TLX2: variants seen among roughly 807,000 people sequenced by gnomAD.
TLX2 encodes T-cell leukemia homeobox protein 2.
Under a neutral mutation model 21.7 loss-of-function variants are expected in TLX2, and 15 were observed. The observed-to-expected ratio is 0.69, with a 90% CI of 0.46 to 1.07. The LOEUF (loss-of-function observed/expected upper bound fraction) is 1.07, where lower values mean the gene tolerates loss of function less well. Among genes scored for constraint, TLX2 ranks in the 50% least tolerant of loss-of-function variants. TLX2 has a pLI of 0.00. For missense variants in TLX2, 384 were observed against 409.1 expected (o/e 0.94, Z 0.53); for synonymous variants, 213 against 193.1 (o/e 1.10, Z -0.85).
chr2:74,514,516 C>T lies in TLX2; in HGVS notation c.-291C>T. The stretch of plus-strand genomic sequence containing the variant: ...GGACTTGGGCAGCGGCGCCGGCAGC[C>T]CAGCGTCTATTTGCGCTTAAGAGCC... On this transcript the variant is annotated 5_prime_UTR_variant, in exon 1 of 3. Transcript: ENST00000233638. This position sits in a 1 kb window ranked among gnomAD's most constrained non-coding sequence, Gnocchi z 5.0. 7.5e-7 allele frequency: 1 copy of T among 1,325,456 alleles called. No individual in the cohort carries two copies. The highest frequency in any genetic ancestry group is 9.7e-7 in the Non-Finnish European group (1 of 1,035,874). The allele number at this position is 1,325,456 out of a possible 1,614,324, so 82.1% of individuals were successfully genotyped here. A position where few individuals can be genotyped will look rare whatever the true frequency, so the allele number is the denominator to read the frequency against.
rs568571616 is a variant in TLX2, at chr2:74,515,827, G to A, written c.595G>A (p.Ala199Thr). The change falls in exon 2 of 3, where the codon GCA becomes ACA. Residue 199 changes from alanine (A) to threonine (T), a missense_variant. Transcript: ENST00000233638. The surrounding 1 kb of genome is among the most constrained non-coding windows in gnomAD (Gnocchi z 6.6). ...ALAKALRMTDAQVKTWFQNRR... is the reference protein window; with the variant it reads ...ALAKALRMTDTQVKTWFQNRR... The stretch of plus-strand genomic sequence containing the variant: ...GGCCAAGGCCTTGCGCATGACCGAC[G>A]CACAGGTCAAAACGTGGTTCCAGAA... 31 of 1,612,426 alleles carry A rather than the reference G, an allele frequency of 1.9e-5. No individual in the cohort carries two copies. In the South Asian group the frequency reaches 2.3e-4, roughly 12 times the overall value.
chr2:74,515,046 G>C lies in TLX2; in HGVS notation c.240G>C (p.Val80=), dbSNP rs868265732. 7.9e-6 allele frequency: 12 copies of C among 1,519,554 alleles called. 1 individual carries two copies. In the Middle Eastern group the frequency reaches 2.1e-3, roughly 268 times the overall value. The allele number at this position is 1,519,554 out of a possible 1,614,324, so 94.1% of individuals were successfully genotyped here. A position where few individuals can be genotyped will look rare whatever the true frequency, so the allele number is the denominator to read the frequency against. Residue 80 remains valine, a synonymous_variant, in exon 1 of 3, where the codon GTG becomes GTC. Transcript: ENST00000233638. The surrounding 1 kb of genome is among the most constrained non-coding windows in gnomAD (Gnocchi z 6.6). ...GCTCCGGAGTGGGCCCAGGCGGCGT[G>C]ATCCGCGTCCCTGCGCACCGCCCGC... ...PGSSGVGPGG[V]IRVPAHRPLP...
At position 74,514,696 on chromosome 2, in the gene TLX2, C is replaced by T. The variant is rs1674834804; in HGVS notation, c.-111C>T. On this transcript the variant is annotated 5_prime_UTR_variant, in exon 1 of 3. Coordinates refer to ENST00000233638, the MANE Select transcript of TLX2 (RefSeq NM_016170.5). The surrounding 1 kb of genome is among the most constrained non-coding windows in gnomAD (Gnocchi z 5.0). ...CCCGGCGCCCTGCCTTGGCCAGCCC[C>T]GCGGGCCCCTGAGGCCACTCTCCGG... 13 of 1,548,004 alleles carry T rather than the reference C, an allele frequency of 8.4e-6. No individual in the cohort carries two copies. Among genetic ancestry groups the T allele is most frequent in the Non-Finnish European group, 1.1e-5 (13 of 1,147,822 alleles).
At position 74,516,524 on chromosome 2, in the gene TLX2, C is replaced by T; in HGVS notation, c.*335C>T. ...ATGGGAGCTGCTTTCCTGAGGGACT[C>T]GAAATTCTCCGGCGGGTGGTCGGGA... On this transcript the variant is annotated 3_prime_UTR_variant, in exon 3 of 3. Transcript: ENST00000233638. 8.3e-7 allele frequency: 1 copy of T among 1,207,902 alleles called. No individual in the cohort carries two copies. Among genetic ancestry groups the T allele is most frequent in the Non-Finnish European group, 1.0e-6 (1 of 961,696 alleles). 74.8% of individuals were successfully genotyped at this position (1,207,902 alleles called of 1,614,324 possible). A position where few individuals can be genotyped will look rare whatever the true frequency, so the allele number is the denominator to read the frequency against.
In TLX2 at chr2:74,515,003, T is replaced by TTGCCCCGC; in HGVS notation, c.203_210dup (p.Gly71ArgfsTer13). On this transcript the variant is annotated frameshift_variant, in exon 1 of 3. Coordinates refer to ENST00000233638, the MANE Select transcript of TLX2 (RefSeq NM_016170.5). LOFTEE classifies it high-confidence loss of function. This position sits in a 1 kb window ranked among gnomAD's most constrained non-coding sequence, Gnocchi z 6.6. ...TCGGGCTACGGTCCCGCCGGCTCAC[T>TTGCCCCGC]TGCCCCGCTGCCCGGCAGCTCCGGA... The TTGCCCCGC allele has an allele frequency of 6.5e-7, 1 of 1,534,518 alleles. No homozygotes were observed. Among genetic ancestry groups the TTGCCCCGC allele is most frequent in the Non-Finnish European group, 8.8e-7 (1 of 1,141,812 alleles).
rs1449508466 is a variant in TLX2, at chr2:74,514,539, G to C, written c.-268G>C. 7.3e-7 allele frequency: 1 copy of C among 1,370,572 alleles called. No individual in the cohort carries two copies. The highest frequency in any genetic ancestry group is 9.4e-7 in the Non-Finnish European group (1 of 1,065,174). The allele number at this position is 1,370,572 out of a possible 1,614,324, so 84.9% of individuals were successfully genotyped here. Reference sequence around the variant, plus strand: ...GCCCAGCGTCTATTTGCGCTTAAGAGCCAGCAAGGAAGCTCCAGGGGCCCC... The same window carrying C: ...GCCCAGCGTCTATTTGCGCTTAAGACCCAGCAAGGAAGCTCCAGGGGCCCC... On this transcript the variant is annotated 5_prime_UTR_variant, in exon 1 of 3. Transcript: ENST00000233638. The surrounding 1 kb of genome is among the most constrained non-coding windows in gnomAD (Gnocchi z 5.0).
rs767692142 is a variant in TLX2, at chr2:74,516,192, G to T, written c.*3G>T. ...CCGGGCTCGCCTCGGTGGTGTGAGC[G>T]ACGCCCGTCCGATCGGCGTGGAGCG... On this transcript the variant is annotated 3_prime_UTR_variant, in exon 3 of 3. Transcript: ENST00000233638. 81 of 1,607,686 alleles carry T rather than the reference G, an allele frequency of 5.0e-5. No individual in the cohort carries two copies. In the South Asian group the frequency reaches 8.7e-4, roughly 17 times the overall value.
chr2:74,516,271 G>A lies in TLX2; in HGVS notation c.*82G>A, dbSNP rs1674883836. On this transcript the variant is annotated 3_prime_UTR_variant, in exon 3 of 3. Transcript: ENST00000233638. ...TGCCTGCGTCCATGGTCTAGTGGCA[G>A]CCGGGCGCGTGAGGAGCGGCAGGCC... 6.5e-7 allele frequency: 1 copy of A among 1,541,976 alleles called. No individual in the cohort carries two copies. Among genetic ancestry groups the A allele is most frequent in the Admixed American group, 1.9e-5 (1 of 51,518 alleles).
At position 74,516,100 on chromosome 2, in the gene TLX2, A is replaced by T. The variant is rs1337453226; in HGVS notation, c.766A>T (p.Asn256Tyr). 3.1e-6 allele frequency: 5 copies of T among 1,609,382 alleles called. No individual in the cohort carries two copies. Among genetic ancestry groups the T allele is most frequent in the Non-Finnish European group, 4.2e-6 (5 of 1,178,964 alleles). ...GCCCCCGGACCCTCTCTGCCTGCAC[A>T]ACTCGTCGCTCTTCGCGCTGCAGAA... ...PLPPDPLCLH[N>Y]SSLFALQNLQ... The change falls in exon 3 of 3, where the codon AAC becomes TAC. Residue 256 changes from asparagine to tyrosine, a missense_variant. Asn to Tyr is a moderately radical substitution (Grantham distance 143, BLOSUM62 -2). Coordinates refer to ENST00000233638, the MANE Select transcript of TLX2 (RefSeq NM_016170.5).
chr2:74,514,481 T>C lies in TLX2; in HGVS notation c.-326T>C, dbSNP rs1572980526. ...TGCCCCAGCCGGAGCTGGCCAACCCTCTCCACCCGGGACTTGGGCAGCGGC... is the reference window on the plus strand; with the variant it reads ...TGCCCCAGCCGGAGCTGGCCAACCCCCTCCACCCGGGACTTGGGCAGCGGC... On this transcript the variant is annotated 5_prime_UTR_variant, in exon 1 of 3. Transcript: ENST00000233638. The surrounding 1 kb of genome is among the most constrained non-coding windows in gnomAD (Gnocchi z 5.0). 8.7e-7 allele frequency: 1 copy of C among 1,152,122 alleles called. No homozygotes were observed. Among genetic ancestry groups the C allele is most frequent in the Non-Finnish European group, 1.1e-6 (1 of 934,146 alleles). 71.4% of individuals were successfully genotyped at this position (1,152,122 alleles called of 1,614,324 possible).
Position 74,516,509 on chromosome 2 carries a change from C to G in TLX2, c.*320C>G. ...GGGCCGGGCTGGCCAATGGGAGCTG[C>G]TTTCCTGAGGGACTCGAAATTCTCC... is the stretch of plus-strand genomic sequence containing the variant. On this transcript the variant is annotated 3_prime_UTR_variant, in exon 3 of 3. Transcript: ENST00000233638. The G allele has an allele frequency of 8.1e-7, 1 of 1,238,366 alleles. No homozygotes were observed. The highest frequency in any genetic ancestry group is 1.6e-5 in the South Asian group (1 of 61,900). The allele number at this position is 1,238,366 out of a possible 1,614,324, so 76.7% of individuals were successfully genotyped here.
chr2:74,516,051 G>C lies in TLX2; in HGVS notation c.717G>C (p.Leu239Phe), dbSNP rs923513743. The C allele has an allele frequency of 2.5e-6, 4 of 1,580,860 alleles. No homozygotes were observed. The highest frequency in any genetic ancestry group is 3.4e-6 in the Non-Finnish European group (4 of 1,170,024). Reference sequence around the variant, plus strand: ...TCCTGCATCTGCAGCAGGACGCGTTGCCACGGCCGCTGCGGCCGCCGCTGC... The same window carrying C: ...TCCTGCATCTGCAGCAGGACGCGTTCCCACGGCCGCTGCGGCCGCCGCTGC... ...RLLLHLQQDALPRPLRPPLPP... is the reference protein window; with the variant it reads ...RLLLHLQQDAFPRPLRPPLPP... The change falls in exon 3 of 3, where the codon TTG becomes TTC. Residue 239 changes from leucine to phenylalanine, a missense_variant. By Grantham distance (22) the Leu-to-Phe change is conservative. Transcript: ENST00000233638.
At position 74,514,770 on chromosome 2, in the gene TLX2, C is replaced by T; in HGVS notation, c.-37C>T. Reference sequence around the variant, plus strand: ...GCGCTGCCTGAGGCATCCTCCCCAACCACCGAACCTCCGGCGGTTCTCCTC... The same window carrying T: ...GCGCTGCCTGAGGCATCCTCCCCAATCACCGAACCTCCGGCGGTTCTCCTC... On this transcript the variant is annotated 5_prime_UTR_variant, in exon 1 of 3. Transcript: ENST00000233638. This position sits in a 1 kb window ranked among gnomAD's most constrained non-coding sequence, Gnocchi z 5.0. 1 of 1,611,096 alleles carries T rather than the reference C, an allele frequency of 6.2e-7. No homozygotes were observed. Among genetic ancestry groups the T allele is most frequent in the Non-Finnish European group, 8.5e-7 (1 of 1,179,142 alleles).
In TLX2 at chr2:74,515,850, G is replaced by C. The variant is rs770403733; in HGVS notation, c.618G>C (p.Gln206His). 1 of 1,608,178 alleles carries C rather than the reference G, an allele frequency of 6.2e-7. No homozygotes were observed. The highest frequency in any genetic ancestry group is 8.5e-7 in the Non-Finnish European group (1 of 1,176,658). ...MTDAQVKTWF[Q>H]NRRTKWRRQT... ...ACGCACAGGTCAAAACGTGGTTCCA[G>C]AACCGACGCACCAAGTGGCGGTGAG... Residue 206 changes from glutamine to histidine, a missense_variant, in exon 2 of 3, where the codon CAG (glutamine) becomes CAC (histidine). Physicochemically the swap from Gln to His is conservative, Grantham distance 24. Transcript: ENST00000233638. This position sits in a 1 kb window ranked among gnomAD's most constrained non-coding sequence, Gnocchi z 6.6.
Position 74,516,306 on chromosome 2 carries a change from T to C in TLX2, c.*117T>C. The C allele has an allele frequency of 6.6e-7, 1 of 1,524,410 alleles. No individual in the cohort carries two copies. The highest frequency in any genetic ancestry group is 8.8e-7 in the Non-Finnish European group (1 of 1,141,372). 94.4% of individuals were successfully genotyped at this position (1,524,410 alleles called of 1,614,324 possible). ...TGAGGAGCGGCAGGCCTTGAGGCTG[T>C]CGTCGAGGGCTCCTCCACCACCGGC... On this transcript the variant is annotated 3_prime_UTR_variant, in exon 3 of 3. Coordinates refer to ENST00000233638, the MANE Select transcript of TLX2 (RefSeq NM_016170.5).
Position 74,514,904 on chromosome 2 carries a change from G to A in TLX2, c.98G>A (p.Gly33Asp). The stretch of plus-strand genomic sequence containing the variant: ...CTGAGCGGCCCCGAAACCCCAGGGG[G>A]CGGTCTAGGCCTGGGTCGCGGGGGC... Reference protein sequence around the residue: ...QILSGPETPGGGLGLGRGGQG... With the variant: ...QILSGPETPGDGLGLGRGGQG... Residue 33 changes from glycine (G) to aspartate (D), a missense_variant, in exon 1 of 3, where the codon GGC becomes GAC. Physicochemically the swap from Gly to Asp is moderately conservative, Grantham distance 94 (BLOSUM62 -1). Transcript: ENST00000233638. This position sits in a 1 kb window ranked among gnomAD's most constrained non-coding sequence, Gnocchi z 5.0. The A allele has an allele frequency of 1.9e-6, 3 of 1,611,656 alleles. No homozygotes were observed. Among genetic ancestry groups the A allele is most frequent in the Non-Finnish European group, 1.7e-6 (2 of 1,179,198 alleles).
In TLX2 at chr2:74,516,665, C is replaced by A; in HGVS notation, c.*476C>A. ...CGAAGCAATAGAGGGGGTGCTGGAGCGCGAGAGGCTGGCTGATTGTGACCG... is the reference window on the plus strand; with the variant it reads ...CGAAGCAATAGAGGGGGTGCTGGAGAGCGAGAGGCTGGCTGATTGTGACCG... On this transcript the variant is annotated 3_prime_UTR_variant, in exon 3 of 3. Coordinates refer to ENST00000233638, the MANE Select transcript of TLX2 (RefSeq NM_016170.5). 4.7e-6 allele frequency: 2 copies of A among 425,518 alleles called. No individual in the cohort carries two copies. The highest frequency in any genetic ancestry group is 8.6e-5 in the South Asian group (2 of 23,156). The allele number at this position is 425,518 out of a possible 1,614,324, so 26.4% of individuals were successfully genotyped here. A position where few individuals can be genotyped will look rare whatever the true frequency, so the allele number is the denominator to read the frequency against.
Position 74,515,092 on chromosome 2 carries a change from G to A in TLX2, c.286G>A (p.Gly96Arg). Residue 96 changes from glycine to arginine, a missense_variant, in exon 1 of 3, where the codon GGG (glycine) becomes AGG (arginine). By Grantham distance (125) the Gly-to-Arg change is moderately radical. Coordinates refer to ENST00000233638, the MANE Select transcript of TLX2 (RefSeq NM_016170.5). The surrounding 1 kb of genome is among the most constrained non-coding windows in gnomAD (Gnocchi z 6.6). Reference protein sequence around the residue: ...HRPLPVPPPAGGAPAVPGPSG... With the variant: ...HRPLPVPPPARGAPAVPGPSG... ...CCCGCTGCCTGTGCCGCCGCCCGCT[G>A]GGGGGGCGCCTGCAGTGCCTGGGCC... 6.6e-7 allele frequency: 1 copy of A among 1,524,274 alleles called. No individual in the cohort carries two copies. The highest frequency in any genetic ancestry group is 8.8e-7 in the Non-Finnish European group (1 of 1,138,544). 94.4% of individuals were successfully genotyped at this position (1,524,274 alleles called of 1,614,324 possible). A position where few individuals can be genotyped will look rare whatever the true frequency, so the allele number is the denominator to read the frequency against.
chr2:74,515,797 G>A lies in TLX2; in HGVS notation c.565G>A (p.Ala189Thr). The A allele has an allele frequency of 6.2e-7, 1 of 1,612,988 alleles. No individual in the cohort carries two copies. The highest frequency in any genetic ancestry group is 8.5e-7 in the Non-Finnish European group (1 of 1,179,864). ...GTACCTGGCCTCTGCGGAGAGGGCG[G>A]CGCTGGCCAAGGCCTTGCGCATGAC... Reference protein sequence around the residue: ...QKYLASAERAALAKALRMTDA... With the variant: ...QKYLASAERATLAKALRMTDA... Residue 189 changes from alanine (A) to threonine (T), a missense_variant, in exon 2 of 3, where the codon GCG becomes ACG. Transcript: ENST00000233638. The surrounding 1 kb of genome is among the most constrained non-coding windows in gnomAD (Gnocchi z 6.6).
Sources: gnomAD v4.1 joint callset for allele counts on GRCh38, gnomAD v4.1.1 for gene constraint, Gnocchi (gnomAD v3.1) non-coding constraint, MANE v1.5 for transcripts, NCBI Gene and HGNC (gene_info 2026-07-23, HGNC 2026-07-21) for gene names.